MDFIC2: variants seen among roughly 807,000 people sequenced by gnomAD.
MDFIC2 encodes the protein myoD family inhibitor domain-containing protein 2.
intron 2 of MDFIC2, chr3:70,302,565 G>A (rs1322872501): frequency 6.6e-6 from 1 of 152,030 alleles, no homozygotes; most frequent in Non-Finnish European, 1.5e-5. Context: ...TCTATTAAAA[G>A]GTGTAACTTT....
chr3:70,228,790 T>G (rs1701532317), intron 2 of MDFIC2, among the ~76,000 whole-genome samples: 1 of 152,116 alleles, frequency 6.6e-6, no homozygotes, highest in African/African-American at 2.4e-5. Context: ...CATTCTCCTT[T>G]TCTCTACCTA....
chr3:70,209,334 T>A (rs1416671376), intron 2 of MDFIC2, among the ~76,000 whole-genome samples: 1 of 152,086 alleles, frequency 6.6e-6, no homozygotes, highest in Non-Finnish European at 1.5e-5. Flanking sequence ...TGCATTTCCC[T>A]TGTGGGACAA....
At chr3:70,286,360 G>C (rs958551156) in intron 2 of MDFIC2, among the ~76,000 whole-genome samples, 1 of 152,130 alleles carries the variant, frequency 6.6e-6, no homozygotes, top group Non-Finnish European at 1.5e-5. Flanking sequence ...TCAAAGATCA[G>C]ATAGTTGTAG....
Position 70,194,882 on chromosome 3 carries a change from G to A in MDFIC2, c.*2044C>T, listed in dbSNP as rs916919715. 1.3e-5 allele frequency among the ~76,000 whole-genome samples: 2 copies of A among 152,150 alleles called. No individual in the cohort carries two copies. The highest frequency in any genetic ancestry group is 2.4e-5 in the African/African-American group (1 of 41,432). The stretch of plus-strand genomic sequence containing the variant: ...GTTCCTCCTTTAGTGACTAGACCAC[G>A]GGTAGAGGGGTGGGTGCTCAGAGAG... On this transcript the variant is annotated 3_prime_UTR_variant, in exon 4 of 4. Coordinates refer to ENST00000567252, the MANE Select transcript of MDFIC2 (RefSeq NM_001364677.1).
intron 2 of MDFIC2, among the ~76,000 whole-genome samples, chr3:70,288,541 T>A (rs907403172): frequency 6.7e-6 from 1 of 150,018 alleles, no homozygotes; most frequent in South Asian, 2.2e-4. Context: ...TTCTATTGAT[T>A]TGGGGTGGAG....
chr3:70,309,048 G>T (rs1559560263), intron 2 of MDFIC2, among the ~76,000 whole-genome samples: 1 of 152,136 alleles, frequency 6.6e-6, no homozygotes, highest in African/African-American at 2.4e-5. Context: ...TTGAACAACT[G>T]AAAGTATCTG....
intron 2 of MDFIC2, among the ~76,000 whole-genome samples, chr3:70,212,367 G>A (rs1224064032): frequency 6.6e-6 from 1 of 152,030 alleles, no homozygotes; most frequent in Non-Finnish European, 1.5e-5. Context: ...TCCCCAAACT[G>A]GAATAACTCT....
At chr3:70,232,397 T>A (rs956108169) in intron 2 of MDFIC2, among the ~76,000 whole-genome samples, 1 of 146,840 alleles carries the variant, frequency 6.8e-6, no homozygotes, top group Non-Finnish European at 1.5e-5. Flanking sequence ...ACAATGATGA[T>A]GTTCCTATTT....
intron 2 of MDFIC2, among the ~76,000 whole-genome samples, chr3:70,214,621 T>TTA (rs1553645970): frequency 0.021 from 3,199 of 150,298 alleles, 94 homozygotes; most frequent in African/African-American, 0.073. Context: ...TTTTTTTTTT[T>TTA]ATCTAACTAT....
At chr3:70,291,874 T>C (rs556209589) in intron 2 of MDFIC2, 53 of 152,354 alleles carry the variant, frequency 3.5e-4, no homozygotes, top group African/African-American at 1.1e-3. Flanking sequence ...TGGAAGAATG[T>C]AGGAGTCTAA....
intron 2 of MDFIC2, among the ~76,000 whole-genome samples, chr3:70,217,085 T>C (rs913461380): frequency 6.6e-6 from 1 of 152,170 alleles, no homozygotes; most frequent in Admixed American, 6.6e-5. Flanking sequence ...TTTACTTGCT[T>C]ATGGTGTACA....
chr3:70,312,095 G>A, intron 1 of MDFIC2, 122 bp from the exon 2 acceptor site: 1 of 389,972 alleles, frequency 2.6e-6, no homozygotes, highest in African/African-American at 2.1e-5. Context: ...TAGTTTTTCA[G>A]TTCACTGTCC....
At chr3:70,247,563 A>T (rs1701719107) in intron 2 of MDFIC2, among the ~76,000 whole-genome samples, 1 of 151,874 alleles carries the variant, frequency 6.6e-6, no homozygotes, top group Non-Finnish European at 1.5e-5. Context: ...TTGATCACAT[A>T]TCAATGCCAC....
chr3:70,209,479 G>A (rs566437501), intron 2 of MDFIC2, among the ~76,000 whole-genome samples: 1 of 152,136 alleles, frequency 6.6e-6, no homozygotes, highest in Non-Finnish European at 1.5e-5. Flanking sequence ...AGTCTAGGAG[G>A]TAGATATTGT....
At chr3:70,227,493 G>A (rs886955328) in intron 2 of MDFIC2, among the ~76,000 whole-genome samples, 1 of 152,168 alleles carries the variant, frequency 6.6e-6, no homozygotes, top group Non-Finnish European at 1.5e-5. Context: ...GGAGACTTTT[G>A]CTAGAACAAT....
At chr3:70,216,920 C>T (rs2106733767) in intron 2 of MDFIC2, among the ~76,000 whole-genome samples, 1 of 152,248 alleles carries the variant, frequency 6.6e-6, no homozygotes, top group South Asian at 2.1e-4. Context: ...GGGACCCCTT[C>T]CCCTCACCAC....
At position 70,287,501 on chromosome 3, in the gene MDFIC2, A is replaced by C. The variant is rs1388295322; in HGVS notation, c.88+24385T>G. 1.4e-4 allele frequency among the ~76,000 whole-genome samples: 22 copies of C among 152,020 alleles called. No homozygotes were observed. The South Asian group carries it at 4.6e-3, about 32-fold the overall frequency. On this transcript the variant is annotated intron_variant, in intron 2 of 3. Coordinates refer to ENST00000567252, the MANE Select transcript of MDFIC2 (RefSeq NM_001364677.1). Reference sequence around the variant, plus strand: ...ATTTTTGCATCAATGTTCATTAAGGATATTGGTCTAAAATTCTCTTTTTTG... The same window carrying C: ...ATTTTTGCATCAATGTTCATTAAGGCTATTGGTCTAAAATTCTCTTTTTTG...
At chr3:70,272,529 G>C (rs1161496729) in intron 2 of MDFIC2, among the ~76,000 whole-genome samples, 1 of 152,198 alleles carries the variant, frequency 6.6e-6, no homozygotes. Context: ...GATGTTTCCT[G>C]TTTTTAGGTA....
At chr3:70,266,511 C>G (rs936484923) in intron 2 of MDFIC2, among the ~76,000 whole-genome samples, 1 of 152,064 alleles carries the variant, frequency 6.6e-6, no homozygotes, top group South Asian at 2.1e-4. Context: ...GCCTGCATCT[C>G]CTAGGCTCAA....
Sources: gnomAD v4.1 joint callset for allele counts (sites outside exome capture counted in the v4.1 genomes callset) on GRCh38, gnomAD v4.1.1 for gene constraint, MANE v1.5 for transcripts, NCBI Gene and HGNC (gene_info 2026-07-23, HGNC 2026-07-21) for gene names.